Variants in NRXN1 observed in about 807,000 individuals in gnomAD.
NRXN1 encodes the protein neurexin 1, also known as neurexin-1.
A neutral mutation model predicts 150.9 loss-of-function variants in NRXN1; 39 were observed. That is an observed-to-expected ratio of 0.26 (90% CI 0.20 to 0.34). The LOEUF is 0.34. Among genes scored for constraint, NRXN1 ranks in the 10% least tolerant of loss-of-function variants. NRXN1 has a pLI of 1.00. For synonymous variants in NRXN1, 924 were observed against 757.0 expected (o/e 1.22, Z -3.62); for missense variants, 1,815 against 1,949.9 (o/e 0.93, Z 1.30).
chr2:50,353,471 G>A (rs562406234), intron 17 of NRXN1, among the ~76,000 whole-genome samples: 1 of 152,136 alleles, frequency 6.6e-6, no homozygotes, highest in Admixed American at 6.5e-5. Context: ...TGGAGTGCCT[G>A]ACTGTGAGTA....
chr2:50,426,326 A>G (rs1227971198), intron 17 of NRXN1, among the ~76,000 whole-genome samples: 1 of 152,236 alleles, frequency 6.6e-6, no homozygotes, highest in Non-Finnish European at 1.5e-5. Context: ...CAACAAAATC[A>G]GTCTAGATGA....
At position 50,030,442 on chromosome 2, in the gene NRXN1, A is replaced by G. The variant is rs560595757; in HGVS notation, c.4128+22829T>C. 1.3e-5 allele frequency among the ~76,000 whole-genome samples: 2 copies of G among 152,260 alleles called. 1 individual carries two copies. Among genetic ancestry groups the G allele is most frequent in the South Asian group, 4.1e-4 (2 of 4,824 alleles). ...TATCATAAGTGAACAATTAGAAACT[A>G]TAAAACACTTTATGTCATGCATATG... On this transcript the variant is annotated intron_variant, in intron 21 of 22. Transcript: ENST00000401669.
intron 22 of NRXN1, among the ~76,000 whole-genome samples, chr2:49,938,182 A>C (rs1161370676): frequency 6.6e-6 from 1 of 152,188 alleles, no homozygotes; most frequent in Non-Finnish European, 1.5e-5. Flanking sequence ...AGAAACTATA[A>C]GCCCACCTTT....
chr2:50,839,143 G>A (rs1452789009), intron 5 of NRXN1, among the ~76,000 whole-genome samples: 1 of 152,034 alleles, frequency 6.6e-6, no homozygotes. Flanking sequence ...AGTGACTTCT[G>A]TTTAAACTAA....
intron 21 of NRXN1, among the ~76,000 whole-genome samples, chr2:49,963,154 T>A (rs993337734): frequency 6.6e-6 from 1 of 152,204 alleles, no homozygotes; most frequent in East Asian, 1.9e-4. Context: ...TCCTGCAGAA[T>A]CCTTATTTAT....
intron 21 of NRXN1, among the ~76,000 whole-genome samples, chr2:49,981,005 T>C (rs550682464): frequency 3.9e-5 from 6 of 152,096 alleles, no homozygotes; most frequent in Non-Finnish European, 8.8e-5. Context: ...ATCTTGCAAT[T>C]CTAGTTTTTC....
chr2:50,792,323 T>C (rs1706165663), intron 5 of NRXN1, among the ~76,000 whole-genome samples: 1 of 152,118 alleles, frequency 6.6e-6, no homozygotes, highest in African/African-American at 2.4e-5. Flanking sequence ...TATTTGTCTA[T>C]TTTCTCTATA....
chr2:50,994,897 G>A (rs139541483), intron 2 of NRXN1, among the ~76,000 whole-genome samples: 3 of 151,740 alleles, frequency 2.0e-5, no homozygotes, highest in African/African-American at 7.3e-5. Flanking sequence ...CAATTACACT[G>A]TTTTTTTAAA....
intron 17 of NRXN1, among the ~76,000 whole-genome samples, chr2:50,343,277 G>T (rs1558563193): frequency 6.6e-6 from 1 of 152,200 alleles, no homozygotes; most frequent in African/African-American, 2.4e-5. Context: ...GCCGGGAGCT[G>T]AGATGGGAAC....
chr2:50,751,787 T>C (rs1470726307), intron 5 of NRXN1, among the ~76,000 whole-genome samples: 4 of 151,978 alleles, frequency 2.6e-5, no homozygotes, highest in African/African-American at 9.7e-5. Context: ...TTTTCCAGAC[T>C]AAAGATAAAC....
chr2:50,209,146 C>G (rs971183355), intron 18 of NRXN1, among the ~76,000 whole-genome samples: 8 of 152,046 alleles, frequency 5.3e-5, no homozygotes, highest in African/African-American at 1.4e-4. Context: ...ATTTCTATAG[C>G]CTTCACCCCT....
chr2:50,318,635 C>A (rs567351961), intron 17 of NRXN1, among the ~76,000 whole-genome samples: 1 of 152,048 alleles, frequency 6.6e-6, no homozygotes, highest in South Asian at 2.1e-4. Context: ...CTATAATAAA[C>A]CCCAAACAAG....
chr2:50,144,446 C>T (rs1309499299), intron 18 of NRXN1, among the ~76,000 whole-genome samples: 2 of 151,744 alleles, frequency 1.3e-5, no homozygotes, highest in Admixed American at 6.6e-5. Flanking sequence ...GGGGGAGAAA[C>T]AGTGTCACAC....
intron 21 of NRXN1, among the ~76,000 whole-genome samples, chr2:50,003,226 C>T (rs1684228049): frequency 6.6e-6 from 1 of 151,988 alleles, no homozygotes; most frequent in Non-Finnish European, 1.5e-5. Context: ...ACAACAGGTA[C>T]AGAGATGAGA....
At chr2:50,823,586 A>T (rs1670031871) in intron 5 of NRXN1, among the ~76,000 whole-genome samples, 1 of 151,978 alleles carries the variant, frequency 6.6e-6, no homozygotes, top group African/African-American at 2.4e-5. Context: ...TAGACTGAAG[A>T]ATTAATAAAA....
intron 8 of NRXN1, among the ~76,000 whole-genome samples, chr2:50,597,100 C>A (rs569823270): frequency 6.6e-6 from 1 of 152,032 alleles, no homozygotes; most frequent in Non-Finnish European, 1.5e-5. Context: ...TGCCTCAGCA[C>A]TCCCAAAGTG....
intron 17 of NRXN1, among the ~76,000 whole-genome samples, chr2:50,247,642 A>G (rs951870106): frequency 2.0e-5 from 3 of 152,146 alleles, no homozygotes; most frequent in Non-Finnish European, 2.9e-5. Context: ...AATAACTGGC[A>G]GCACTCATCA....
intron 5 of NRXN1, among the ~76,000 whole-genome samples, chr2:50,654,695 T>C (rs575602889): frequency 6.6e-6 from 1 of 152,170 alleles, no homozygotes; most frequent in South Asian, 2.1e-4. Context: ...GCACCTGTTG[T>C]TTCTTGACTT....
chr2:50,480,147 T>A lies in NRXN1; in HGVS notation c.3071-7676A>T, dbSNP rs75625263. Among the ~76,000 whole-genome samples the A allele has an allele frequency of 8.6e-3, 1,308 of 152,290 alleles. 19 individuals carry two copies. The highest frequency in any genetic ancestry group is 0.028 in the African/African-American group (1,183 of 41,550). ...ATTTAGGGAATTCAATGGCATATTT[T>A]TTCCCACTCTGATAGTGTAACTTGA... is the stretch of plus-strand genomic sequence containing the variant. On this transcript the variant is annotated intron_variant, in intron 15 of 22. Transcript: ENST00000401669.
Sources: gnomAD v4.1 joint callset for allele counts (sites outside exome capture counted in the v4.1 genomes callset) on GRCh38, gnomAD v4.1.1 for gene constraint, MANE v1.5 for transcripts, NCBI Gene and HGNC (gene_info 2026-07-23, HGNC 2026-07-21) for gene names.